The following GMDS variants were observed in gnomAD, a reference collection of about 807,000 sequenced individuals.
GMDS encodes the protein GDP-mannose 4,6-dehydratase, also known as GDP-mannose 4,6 dehydratase.
GMDS carries 20 observed loss-of-function variants against 49.9 expected under a neutral mutation model. That is an observed-to-expected ratio of 0.40 (90% CI 0.28 to 0.58). GMDS has a LOEUF of 0.58. Among genes scored for constraint, GMDS ranks in the 20% least tolerant of loss-of-function variants. The probability of loss-of-function intolerance (pLI) is 0.42; values close to 1 mark genes in which losing one functional copy is unlikely to be tolerated. For missense variants in GMDS, 362 were observed against 481.4 expected (o/e 0.75, Z 2.32); for synonymous variants, 177 against 178.6 (o/e 0.99, Z 0.07).
intron 1 of GMDS, among the ~76,000 whole-genome samples, chr6:2,224,276 A>G (rs993242837): frequency 1.4e-4 from 22 of 151,884 alleles, no homozygotes; most frequent in Non-Finnish European, 2.9e-4. Context: ...CCGTTGTGGA[A>G]CCCTAGAAAT....
At chr6:1,983,028 G>A (rs918471327) in intron 4 of GMDS, among the ~76,000 whole-genome samples, 1 of 152,126 alleles carries the variant, frequency 6.6e-6, no homozygotes, top group African/African-American at 2.4e-5. Context: ...TATAAGAACA[G>A]ACACATAGAC....
rs1779020076 is a variant in GMDS, at chr6:2,191,573, C to T, written c.102+53748G>A. 6.6e-6 allele frequency among the ~76,000 whole-genome samples: 1 copy of T among 152,224 alleles called. No homozygotes were observed. The highest frequency in any genetic ancestry group is 1.5e-5 in the Non-Finnish European group (1 of 68,026). On this transcript the variant is annotated intron_variant, in intron 1 of 10. Transcript: ENST00000380815. The surrounding 1 kb of genome is among the most constrained non-coding windows in gnomAD (Gnocchi z 4.6). ...GGAGGTGCCTACCTCCACTGTCTGG[C>T]CTCTCCCCGCTCCAGGCACCTGCTA...
At chr6:1,917,544 A>T (rs1219063145) in intron 7 of GMDS, among the ~76,000 whole-genome samples, 2 of 152,248 alleles carry the variant, frequency 1.3e-5, no homozygotes, top group South Asian at 2.1e-4. Context: ...CTAGTGATAG[A>T]TCTTTATATT....
intron 4 of GMDS, among the ~76,000 whole-genome samples, chr6:1,996,631 T>C (rs1000210486): frequency 6.6e-6 from 1 of 152,128 alleles, no homozygotes; most frequent in African/African-American, 2.4e-5. Flanking sequence ...TGGTACAAAA[T>C]GGTTGGCAGA....
intron 4 of GMDS, among the ~76,000 whole-genome samples, chr6:1,995,315 C>A (rs1414060744): frequency 6.6e-6 from 1 of 152,224 alleles, no homozygotes; most frequent in African/African-American, 2.4e-5. Flanking sequence ...TACTCCTCTG[C>A]TAGCTACAGC....
chr6:2,076,902 T>C (rs1042209886), intron 4 of GMDS, among the ~76,000 whole-genome samples: 2 of 152,222 alleles, frequency 1.3e-5, no homozygotes, highest in Admixed American at 6.5e-5. Flanking sequence ...AAAGCCAAAA[T>C]TGACAAATGC....
intron 9 of GMDS, among the ~76,000 whole-genome samples, chr6:1,641,091 C>G (rs1763317363): frequency 6.6e-6 from 1 of 152,218 alleles, no homozygotes; most frequent in Non-Finnish European, 1.5e-5. Flanking sequence ...TCATTAGACC[C>G]TTTGCCTGCA....
At chr6:1,879,189 C>T (rs1353296363) in intron 7 of GMDS, among the ~76,000 whole-genome samples, 1 of 152,062 alleles carries the variant, frequency 6.6e-6, no homozygotes, top group African/African-American at 2.4e-5. Flanking sequence ...TGGTTATTTT[C>T]TATTTAAACA....
Position 1,997,320 on chromosome 6 carries a change from C to T in GMDS, c.346-36354G>A, listed in dbSNP as rs138303409. Among the ~76,000 whole-genome samples, 101 of 151,926 alleles carry T rather than the reference C, an allele frequency of 6.6e-4. No individual in the cohort carries two copies. The South Asian group carries it at 0.015, about 22-fold the overall frequency. On this transcript the variant is annotated intron_variant, in intron 4 of 10. Coordinates refer to ENST00000380815, the MANE Select transcript of GMDS (RefSeq NM_001500.4). The stretch of plus-strand genomic sequence containing the variant: ...GTCAGGAGACGGAAACCATCCTGGC[C>T]AACATGGTGAAACACCATCTCTACT...
intron 2 of GMDS, among the ~76,000 whole-genome samples, chr6:2,122,686 G>C (rs1477980605): frequency 6.6e-6 from 1 of 152,194 alleles, no homozygotes; most frequent in Non-Finnish European, 1.5e-5. Flanking sequence ...GAGGACAGCA[G>C]CCTATTAAAG....
chr6:1,760,301 C>T (rs79551549), intron 7 of GMDS, among the ~76,000 whole-genome samples: 1,567 of 152,316 alleles, frequency 0.01, 21 homozygotes, highest in African/African-American at 0.034. Context: ...TTCTGGACCA[C>T]GAGTATATGG....
At chr6:1,689,567 T>C (rs1172222035) in intron 9 of GMDS, among the ~76,000 whole-genome samples, 1 of 152,206 alleles carries the variant, frequency 6.6e-6, no homozygotes, top group Non-Finnish European at 1.5e-5. Context: ...TAGGAGTAAA[T>C]ATGTTCCTGG....
intron 1 of GMDS, among the ~76,000 whole-genome samples, chr6:2,162,428 T>C (rs1013864803): frequency 6.6e-6 from 1 of 152,116 alleles, no homozygotes; most frequent in African/African-American, 2.4e-5. Flanking sequence ...ATAATAGACA[T>C]CTGTTTCCAA....
At chr6:2,149,024 G>A (rs1776714753) in intron 1 of GMDS, among the ~76,000 whole-genome samples, 1 of 152,104 alleles carries the variant, frequency 6.6e-6, no homozygotes, top group South Asian at 2.1e-4. Flanking sequence ...GAGCACCTGA[G>A]GGATCACCTA....
At chr6:2,070,746 T>A (rs1771942477) in intron 4 of GMDS, among the ~76,000 whole-genome samples, 1 of 152,102 alleles carries the variant, frequency 6.6e-6, no homozygotes, top group Non-Finnish European at 1.5e-5. Context: ...CACCCATGGC[T>A]CCTAAGAACC....
At chr6:2,131,974 T>G (rs908437270) in intron 1 of GMDS, among the ~76,000 whole-genome samples, 1 of 152,182 alleles carries the variant, frequency 6.6e-6, no homozygotes. Flanking sequence ...AGAAGGATAG[T>G]GAGCACTTGT....
chr6:2,112,628 A>G (rs1774612660), intron 4 of GMDS, among the ~76,000 whole-genome samples: 1 of 152,166 alleles, frequency 6.6e-6, no homozygotes, highest in South Asian at 2.1e-4. Flanking sequence ...TTCTGGAAAA[A>G]AATGCATTCA....
At chr6:2,039,944 C>T (rs997828096) in intron 4 of GMDS, among the ~76,000 whole-genome samples, 1 of 152,168 alleles carries the variant, frequency 6.6e-6, no homozygotes, top group African/African-American at 2.4e-5. Flanking sequence ...ATACCACTGG[C>T]AGTGCAGTAG....
At chr6:2,184,031 T>C (rs1401902024) in intron 1 of GMDS, among the ~76,000 whole-genome samples, 2 of 152,236 alleles carry the variant, frequency 1.3e-5, no homozygotes, top group Admixed American at 6.5e-5. Context: ...GCATAAGTTA[T>C]ATATAACTTA....
Sources: gnomAD v4.1 joint callset for allele counts (sites outside exome capture counted in the v4.1 genomes callset) on GRCh38, gnomAD v4.1.1 for gene constraint, Gnocchi (gnomAD v3.1) non-coding constraint, MANE v1.5 for transcripts, NCBI Gene and HGNC (gene_info 2026-07-23, HGNC 2026-07-21) for gene names.